Variants in ZNF804B observed in about 807,000 individuals in gnomAD.
The protein encoded by ZNF804B is zinc finger 804B.
Under a neutral mutation model 101.4 loss-of-function variants are expected in ZNF804B, and 80 were observed. The observed-to-expected ratio is 0.79, with a 90% CI of 0.66 to 0.95. The LOEUF (loss-of-function observed/expected upper bound fraction) is 0.95, where lower values mean the gene tolerates loss of function less well. ZNF804B is among the 40% of genes least tolerant of loss of function. The pLI is 0.00. For missense variants in ZNF804B, 1,673 were observed against 1,561.9 expected, an observed-to-expected ratio of 1.07 and a Z score of -1.20; for synonymous variants, 622 against 558.8, an observed-to-expected ratio of 1.11 and a Z score of -1.59.
At chr7:88,868,057 G>GTGTA (rs1224439040) in intron 1 of ZNF804B, among the ~76,000 whole-genome samples, 1 of 140,698 alleles carries the variant, frequency 7.1e-6, no homozygotes, top group Non-Finnish European at 1.6e-5. Context: ...GAGTGTGTGT[G>GTGTA]TGTGTGTGTG....
chr7:89,021,407 C>T (rs1411552391), intron 1 of ZNF804B, among the ~76,000 whole-genome samples: 1 of 152,114 alleles, frequency 6.6e-6, no homozygotes, highest in African/African-American at 2.4e-5. Context: ...AGGGTGGTTA[C>T]TCTGGCTAGG....
chr7:88,828,881 C>T (rs1791088435), intron 1 of ZNF804B, among the ~76,000 whole-genome samples: 1 of 152,034 alleles, frequency 6.6e-6, no homozygotes, highest in South Asian at 2.1e-4. Context: ...AGAGAAAAAA[C>T]CCATTAGATC....
At chr7:89,231,754 AT>A (rs747164300) in intron 2 of ZNF804B, among the ~76,000 whole-genome samples, 4 of 152,008 alleles carry the variant, frequency 2.6e-5, no homozygotes, top group African/African-American at 7.2e-5. Context: ...TATCCAATAG[AT>A]TTTTTATATT....
intron 1 of ZNF804B, among the ~76,000 whole-genome samples, chr7:89,193,378 T>G (rs1345981688): frequency 6.6e-6 from 1 of 150,952 alleles, no homozygotes; most frequent in Non-Finnish European, 1.5e-5. Context: ...TAGTTACACA[T>G]GTATACATGT....
intron 1 of ZNF804B, among the ~76,000 whole-genome samples, chr7:88,961,299 G>T (rs1206094525): frequency 6.6e-6 from 1 of 151,292 alleles, no homozygotes; most frequent in African/African-American, 2.4e-5. Context: ...TTTAAAGACA[G>T]CATACGTTTT....
At chr7:88,832,582 T>C (rs1791148523) in intron 1 of ZNF804B, among the ~76,000 whole-genome samples, 1 of 151,582 alleles carries the variant, frequency 6.6e-6, no homozygotes, top group South Asian at 2.1e-4. Context: ...ATAATTAGAA[T>C]ACAAATAGTC....
intron 1 of ZNF804B, among the ~76,000 whole-genome samples, chr7:89,174,230 C>T (rs1031385640): frequency 6.6e-6 from 1 of 151,982 alleles, no homozygotes; most frequent in Non-Finnish European, 1.5e-5. Flanking sequence ...TCTCCACTTA[C>T]TCTCATCCCA....
chr7:88,838,145 G>A (rs1254975821), intron 1 of ZNF804B, among the ~76,000 whole-genome samples: 3 of 151,782 alleles, frequency 2.0e-5, no homozygotes, highest in East Asian at 3.9e-4. Flanking sequence ...TACAGATAAA[G>A]CCAGTATTAT....
chr7:89,115,317 C>T (rs1054128212), intron 1 of ZNF804B, among the ~76,000 whole-genome samples: 12 of 152,164 alleles, frequency 7.9e-5, no homozygotes, highest in African/African-American at 2.7e-4. Flanking sequence ...GAGCTTTACT[C>T]TTAACAGGAA....
At chr7:88,835,647 T>G (rs1313854753) in intron 1 of ZNF804B, among the ~76,000 whole-genome samples, 1 of 151,900 alleles carries the variant, frequency 6.6e-6, no homozygotes, top group Non-Finnish European at 1.5e-5. Flanking sequence ...GGTGTAGTTA[T>G]GATGCCAAGA....
intron 1 of ZNF804B, among the ~76,000 whole-genome samples, chr7:89,211,568 C>A (rs777544028): frequency 2.6e-5 from 4 of 152,112 alleles, no homozygotes; most frequent in Non-Finnish European, 5.9e-5. Flanking sequence ...GGTCCAGTTT[C>A]AATTTTCTGC....
At chr7:89,103,144 A>C (rs1790087008) in intron 1 of ZNF804B, among the ~76,000 whole-genome samples, 1 of 137,520 alleles carries the variant, frequency 7.3e-6, no homozygotes, top group Non-Finnish European at 1.5e-5. Context: ...CAGGCAATGC[A>C]ATGTCTCCAG....
At chr7:89,223,232 GCT>G (rs749015143) in intron 2 of ZNF804B, among the ~76,000 whole-genome samples, 1 of 151,790 alleles carries the variant, frequency 6.6e-6, no homozygotes, top group Non-Finnish European at 1.5e-5. Context: ...CCAAAAATAT[GCT>G]CTTTTTGGTA....
intron 1 of ZNF804B, among the ~76,000 whole-genome samples, chr7:88,885,370 C>T (rs963369873): frequency 4.0e-5 from 6 of 151,148 alleles, no homozygotes; most frequent in East Asian, 1.9e-4. Flanking sequence ...AGAACAATAC[C>T]GGGTTTTCTC....
intron 1 of ZNF804B, among the ~76,000 whole-genome samples, chr7:88,825,224 G>T (rs969944748): frequency 3.3e-5 from 5 of 152,074 alleles, no homozygotes; most frequent in African/African-American, 1.2e-4. Context: ...CAAAATATCA[G>T]CTACTTTATC....
chr7:88,853,400 A>G (rs1791473904), intron 1 of ZNF804B, among the ~76,000 whole-genome samples: 1 of 152,140 alleles, frequency 6.6e-6, no homozygotes, highest in East Asian at 1.9e-4. Flanking sequence ...TCAAGGCTCC[A>G]TAAAATCTTA....
chr7:88,956,297 C>T (rs989723189), intron 1 of ZNF804B, among the ~76,000 whole-genome samples: 1 of 151,478 alleles, frequency 6.6e-6, no homozygotes, highest in South Asian at 2.1e-4. Context: ...ATGTTTATTG[C>T]ACCACTATTA....
At chr7:88,901,725 AG>A (rs1792394554) in intron 1 of ZNF804B, among the ~76,000 whole-genome samples, 1 of 151,884 alleles carries the variant, frequency 6.6e-6, no homozygotes, top group Admixed American at 6.6e-5. Context: ...TGAAGCTAGA[AG>A]CTAGGGGTCT....
chr7:89,017,981 TC>T (rs1237566721), intron 1 of ZNF804B, among the ~76,000 whole-genome samples: 2 of 152,154 alleles, frequency 1.3e-5, no homozygotes, highest in African/African-American at 4.8e-5. Context: ...GCTGACTTCT[TC>T]CTTTTTAGTT....
Sources: gnomAD v4.1 joint callset for allele counts (sites outside exome capture counted in the v4.1 genomes callset) on GRCh38, gnomAD v4.1.1 for gene constraint, MANE v1.5 for transcripts, NCBI Gene and HGNC (gene_info 2026-07-23, HGNC 2026-07-21) for gene names.